Variants in TRPS1 observed in about 807,000 individuals in gnomAD.
The protein encoded by TRPS1 is zinc finger transcription factor Trps1.
A neutral mutation model predicts 101.2 loss-of-function variants in TRPS1; 6 were observed. That is an observed-to-expected ratio of 0.06 (90% CI 0.03 to 0.12). TRPS1 has a LOEUF of 0.12. TRPS1 is among the 10% of genes least tolerant of loss of function. The pLI is 1.00. For missense variants in TRPS1, 1,363 were observed against 1,567.0 expected, an observed-to-expected ratio of 0.87 and a Z score of 2.20; for synonymous variants, 578 against 589.8, an observed-to-expected ratio of 0.98 and a Z score of 0.29.
rs753429457 is a variant in TRPS1, at chr8:115,619,733, T to C, written c.365A>G (p.Asn122Ser). 36 of 1,614,044 alleles carry C rather than the reference T, an allele frequency of 2.2e-5. 1 individual carries two copies. In the Middle Eastern group the frequency reaches 6.6e-4, roughly 29 times the overall value. ...AGCTGGAGATGAGAAAGCCAACATATTTCTGTCTGTCACCTCATCATGCGG... is the reference window on the plus strand; with the variant it reads ...AGCTGGAGATGAGAAAGCCAACATACTTCTGTCTGTCACCTCATCATGCGG... ...SFPHDEVTDR[N>S]MLAFSSPAAG... Residue 122 changes from asparagine to serine, a missense_variant, in exon 3 of 7, where the codon AAT becomes AGT. This residue lies in a region of TRPS1 where 1,020 missense variants were observed against 1,073.0 expected (regional missense o/e 0.95). Coordinates refer to ENST00000395715, the MANE Select transcript of TRPS1 (RefSeq NM_014112.5).
intron 3 of TRPS1, among the ~76,000 whole-genome samples, chr8:115,609,363 C>T (rs527539134): frequency 5.3e-5 from 8 of 152,292 alleles, no homozygotes; most frequent in African/African-American, 1.9e-4. Context: ...GCTGTAAATG[C>T]AAAGGTTCAA....
chr8:115,425,529 T>C (rs777926295), intron 5 of TRPS1, among the ~76,000 whole-genome samples: 1 of 152,214 alleles, frequency 6.6e-6, no homozygotes, highest in Non-Finnish European at 1.5e-5. Flanking sequence ...CACTGAGATA[T>C]GAATGCACCT....
At chr8:115,614,825 C>G (rs1192259035) in intron 3 of TRPS1, among the ~76,000 whole-genome samples, 1 of 151,996 alleles carries the variant, frequency 6.6e-6, no homozygotes, top group African/African-American at 2.4e-5. Flanking sequence ...AAATTCAAGA[C>G]AAGTCAAAAT....
At chr8:115,546,764 T>C (rs1310503844) in intron 5 of TRPS1, among the ~76,000 whole-genome samples, 1 of 152,224 alleles carries the variant, frequency 6.6e-6, no homozygotes, top group Non-Finnish European at 1.5e-5. Flanking sequence ...TTTACATAAC[T>C]CTTCATTACT....
chr8:115,423,201 G>C (rs1813110475), intron 5 of TRPS1, among the ~76,000 whole-genome samples: 1 of 152,188 alleles, frequency 6.6e-6, no homozygotes, highest in Non-Finnish European at 1.5e-5. Flanking sequence ...TCAACAATTC[G>C]AGAAAATGAT....
At chr8:115,465,016 C>G (rs1437640562) in intron 5 of TRPS1, among the ~76,000 whole-genome samples, 1 of 152,064 alleles carries the variant, frequency 6.6e-6, no homozygotes, top group African/African-American at 2.4e-5. Context: ...CCACATCTGT[C>G]CTTTGAAGCA....
At chr8:115,645,830 G>A (rs980612104) in intron 1 of TRPS1, among the ~76,000 whole-genome samples, 3 of 151,970 alleles carry the variant, frequency 2.0e-5, no homozygotes, top group African/African-American at 7.2e-5. Flanking sequence ...CCTTGAACTC[G>A]GCACTATTGA....
intron 5 of TRPS1, chr8:115,511,339 G>T (rs538654678): frequency 4.0e-5 from 6 of 151,834 alleles, no homozygotes; most frequent in African/African-American, 1.5e-4. Flanking sequence ...TGATATGTGT[G>T]CATTGTATTG....
chr8:115,587,516 A>G lies in TRPS1; in HGVS notation c.2185T>C (p.Cys729Arg). 2.5e-6 allele frequency: 4 copies of G among 1,614,170 alleles called. No homozygotes were observed. Among genetic ancestry groups the G allele is most frequent in the Non-Finnish European group, 3.4e-6 (4 of 1,180,010 alleles). The change falls in exon 5 of 7, where the codon TGC (cysteine) becomes CGC (arginine). Residue 729 changes from cysteine to arginine, a missense_variant. Around this residue, in one of 5 missense-constraint regions of TRPS1, gnomAD observed 1,020 missense variants for 1,073.0 expected, o/e 0.95. Transcript: ENST00000395715. ...GCTGTAGTGATGTCCTGTTCCTGGCAGTGAACAGTGTTGAAGTGCTCCAGT... is the reference window on the plus strand; with the variant it reads ...GCTGTAGTGATGTCCTGTTCCTGGCGGTGAACAGTGTTGAAGTGCTCCAGT... ...SLLEHFNTVHCQEQDITTANG... is the reference protein window; with the variant it reads ...SLLEHFNTVHRQEQDITTANG...
intron 5 of TRPS1, among the ~76,000 whole-genome samples, chr8:115,529,120 T>C (rs778611919): frequency 5.3e-5 from 8 of 151,994 alleles, no homozygotes; most frequent in Non-Finnish European, 1.2e-4. Context: ...AAAGGAAATG[T>C]ACATGAAAAA....
chr8:115,489,982 C>T (rs1814980581), intron 5 of TRPS1, among the ~76,000 whole-genome samples: 1 of 151,986 alleles, frequency 6.6e-6, no homozygotes, highest in Non-Finnish European at 1.5e-5. Flanking sequence ...CTCAATGTCT[C>T]TTTTTTAGCT....
At chr8:115,512,324 T>C (rs1815605835) in intron 5 of TRPS1, among the ~76,000 whole-genome samples, 1 of 151,742 alleles carries the variant, frequency 6.6e-6, no homozygotes, top group Non-Finnish European at 1.5e-5. Context: ...AACTAGTTTG[T>C]TTTTAAAAAA....
chr8:115,621,362 C>T lies in TRPS1; in HGVS notation c.38-1302G>A, dbSNP rs151192967. Among the ~76,000 whole-genome samples, 884 of 152,198 alleles carry T rather than the reference C, an allele frequency of 5.8e-3. 14 individuals are homozygous for T. Among genetic ancestry groups the T allele is most frequent in the South Asian group, 0.035 (171 of 4,832 alleles). On this transcript the variant is annotated intron_variant, in intron 2 of 6. Transcript: ENST00000395715. The stretch of plus-strand genomic sequence containing the variant: ...CATAAGGACTAACAGTTAGTTATAC[C>T]GCAATTATCCAAAACATGCTGAGAA...
intron 5 of TRPS1, among the ~76,000 whole-genome samples, chr8:115,532,257 TA>T (rs1303298278): frequency 6.8e-6 from 1 of 147,536 alleles, no homozygotes; most frequent in South Asian, 2.2e-4. Context: ...TTTTTTTTTT[TA>T]CCATACATGG....
At chr8:115,451,190 C>T (rs1418463035) in intron 5 of TRPS1, among the ~76,000 whole-genome samples, 3 of 152,134 alleles carry the variant, frequency 2.0e-5, no homozygotes, top group South Asian at 2.1e-4. Context: ...AAAAGAATGG[C>T]GCCCTATAGC....
At chr8:115,515,524 T>C (rs1815688205) in intron 5 of TRPS1, among the ~76,000 whole-genome samples, 1 of 151,356 alleles carries the variant, frequency 6.6e-6, no homozygotes, top group South Asian at 2.1e-4. Context: ...ACACAGTAAA[T>C]CCACTAATAA....
At chr8:115,612,880 T>C (rs1818201769) in intron 3 of TRPS1, among the ~76,000 whole-genome samples, 1 of 152,182 alleles carries the variant, frequency 6.6e-6, no homozygotes, top group African/African-American at 2.4e-5. Context: ...CATTCTGATT[T>C]GTTCTCTGCT....
At chr8:115,578,075 CTAAAGAATAAACT>C (rs1383548106) in intron 5 of TRPS1, among the ~76,000 whole-genome samples, 2 of 152,124 alleles carry the variant, frequency 1.3e-5, no homozygotes, top group East Asian at 3.8e-4. Context: ...ATCAATTTCT[CTAAAGAATAAACT>C]ATACTGCATA....
chr8:115,651,569 C>T (rs1332890529), intron 1 of TRPS1, among the ~76,000 whole-genome samples: 4 of 152,134 alleles, frequency 2.6e-5, no homozygotes, highest in Admixed American at 2.0e-4. Flanking sequence ...GTAAAGGGAA[C>T]AAAAATGAAT....
Sources: gnomAD v4.1 joint callset for allele counts (sites outside exome capture counted in the v4.1 genomes callset) on GRCh38, gnomAD v4.1.1 for gene constraint, gnomAD v4.1.1 regional missense constraint, MANE v1.5 for transcripts, NCBI Gene and HGNC (gene_info 2026-07-23, HGNC 2026-07-21) for gene names.